The following CTNNA3 variants were observed in gnomAD, a reference collection of about 807,000 sequenced individuals.
The protein encoded by CTNNA3 is catenin alpha-3.
A neutral mutation model predicts 95.7 loss-of-function variants in CTNNA3; 76 were observed. The ratio of observed to expected loss-of-function variants is 0.79; its 90% CI spans 0.66 to 0.96. The LOEUF is 0.96. Among genes scored for constraint, CTNNA3 ranks in the 40% least tolerant of loss-of-function variants. CTNNA3 has a pLI of 0.00. For missense variants in CTNNA3, 1,191 were observed against 1,089.8 expected, an observed-to-expected ratio of 1.09 and a Z score of -1.31; for synonymous variants, 431 against 374.4, an observed-to-expected ratio of 1.15 and a Z score of -1.74.
Position 66,066,634 on chromosome 10 carries a change from G to C in CTNNA3, c.2159+2674C>G, listed in dbSNP as rs185321034. On this transcript the variant is annotated intron_variant, in intron 15 of 17. Coordinates refer to ENST00000433211, the MANE Select transcript of CTNNA3 (RefSeq NM_013266.4). ...AAAATAGAAATAGACATTTAAAGAG[G>C]TATTTTTATGAAATTCCATGTATAA... is the stretch of plus-strand genomic sequence containing the variant. Among the ~76,000 whole-genome samples, 409 of 152,178 alleles carry C rather than the reference G, an allele frequency of 2.7e-3. 2 individuals carry two copies. Among genetic ancestry groups the C allele is most frequent in the African/African-American group, 9.5e-3 (393 of 41,532 alleles).
At chr10:66,316,400 A>C (rs2092100068) in intron 12 of CTNNA3, among the ~76,000 whole-genome samples, 1 of 152,054 alleles carries the variant, frequency 6.6e-6, no homozygotes, top group African/African-American at 2.4e-5. Context: ...CTTTTATTTT[A>C]CAGTAATATA....
chr10:66,925,910 C>A (rs767149416), intron 7 of CTNNA3: 8 of 417,702 alleles, frequency 1.9e-5, no homozygotes, highest in Admixed American at 7.6e-5. Context: ...CCAAAAGAAT[C>A]ATTCATTTTC....
chr10:66,116,288 A>G (rs1199711959), intron 13 of CTNNA3, among the ~76,000 whole-genome samples: 2 of 152,162 alleles, frequency 1.3e-5, no homozygotes, highest in African/African-American at 4.8e-5. Context: ...CTTAATGTGG[A>G]GAATTGTTTT....
At chr10:66,527,811 G>C (rs375106982) in intron 10 of CTNNA3, among the ~76,000 whole-genome samples, 37 of 152,070 alleles carry the variant, frequency 2.4e-4, no homozygotes, top group African/African-American at 8.7e-4. Context: ...TCTGTTATTA[G>C]TTTTAAGATT....
intron 2 of CTNNA3, among the ~76,000 whole-genome samples, chr10:67,643,558 A>C (rs1164388533): frequency 6.6e-6 from 1 of 151,930 alleles, no homozygotes; most frequent in East Asian, 1.9e-4. Context: ...ATTATACCTT[A>C]AGTTCTGGGA....
Position 66,124,859 on chromosome 10 carries a change from G to A in CTNNA3, c.1885-21610C>T, listed in dbSNP as rs570045914. Among the ~76,000 whole-genome samples the A allele has an allele frequency of 7.9e-5, 12 of 152,202 alleles. No individual in the cohort carries two copies. In the South Asian group the frequency reaches 2.5e-3, roughly 32 times the overall value. On this transcript the variant is annotated intron_variant, in intron 13 of 17. Coordinates refer to ENST00000433211, the MANE Select transcript of CTNNA3 (RefSeq NM_013266.4). ...CTCTTAATTCCATCACCTCCCACTA[G>A]GTTCCTCCGATGACACATGGGAATT...
intron 12 of CTNNA3, among the ~76,000 whole-genome samples, chr10:66,334,752 T>C (rs1014364949): frequency 3.3e-5 from 5 of 152,054 alleles, no homozygotes; most frequent in Admixed American, 2.0e-4. Flanking sequence ...TGGCATTCTC[T>C]GTATTTCCTG....
At chr10:65,995,264 A>G (rs764024932) in intron 15 of CTNNA3, among the ~76,000 whole-genome samples, 1 of 151,924 alleles carries the variant, frequency 6.6e-6, no homozygotes. Flanking sequence ...ATATCTTTGC[A>G]TATGGTGTAA....
chr10:66,343,252 A>G (rs2092471834), intron 12 of CTNNA3, among the ~76,000 whole-genome samples: 1 of 152,122 alleles, frequency 6.6e-6, no homozygotes, highest in South Asian at 2.1e-4. Context: ...TTAAATCATT[A>G]TATCAAAGAG....
chr10:67,213,977 A>T (rs966261801), intron 6 of CTNNA3, among the ~76,000 whole-genome samples: 1 of 151,852 alleles, frequency 6.6e-6, no homozygotes, highest in East Asian at 1.9e-4. Flanking sequence ...AATTTGTTGG[A>T]TATCGTTTTA....
intron 9 of CTNNA3, among the ~76,000 whole-genome samples, chr10:66,685,935 C>T (rs1390642260): frequency 6.6e-6 from 1 of 152,002 alleles, no homozygotes; most frequent in Admixed American, 6.6e-5. Context: ...TGCACAAAAT[C>T]CCTCCCAACT....
In CTNNA3 at chr10:67,312,839, T is replaced by C. The variant is rs1840867548; in HGVS notation, c.580-92969A>G. ...TTGTTTGTGGTAAAAAGTCTGGACT[T>C]TGATCTAAAACCCAGCTTTTGCTAA... is the stretch of plus-strand genomic sequence containing the variant. On this transcript the variant is annotated intron_variant, in intron 5 of 17. Coordinates refer to ENST00000433211, the MANE Select transcript of CTNNA3 (RefSeq NM_013266.4). 1.3e-5 allele frequency among the ~76,000 whole-genome samples: 2 copies of C among 152,340 alleles called. 1 individual carries two copies. Among genetic ancestry groups the C allele is most frequent in the South Asian group, 4.1e-4 (2 of 4,830 alleles).
chr10:66,028,987 A>G (rs2079399518), intron 15 of CTNNA3, among the ~76,000 whole-genome samples: 1 of 152,178 alleles, frequency 6.6e-6, no homozygotes, highest in African/African-American at 2.4e-5. Flanking sequence ...AAAATGAAGA[A>G]TAGGAGGTGA....
chr10:67,553,119 TA>T (rs1841092256), intron 3 of CTNNA3, among the ~76,000 whole-genome samples: 1 of 152,166 alleles, frequency 6.6e-6, no homozygotes, highest in Non-Finnish European at 1.5e-5. Context: ...AGCAGGAATT[TA>T]GTATGGAATG....
chr10:67,529,533 C>T (rs556604583), intron 4 of CTNNA3, among the ~76,000 whole-genome samples: 1 of 150,318 alleles, frequency 6.7e-6, no homozygotes, highest in African/African-American at 2.4e-5. Context: ...AGGAGATATA[C>T]CTAATGCTAA....
At chr10:66,375,974 C>T (rs1286827450) in intron 12 of CTNNA3, among the ~76,000 whole-genome samples, 2 of 152,132 alleles carry the variant, frequency 1.3e-5, no homozygotes, top group African/African-American at 4.8e-5. Flanking sequence ...ACAGTGGATG[C>T]CACCAGGATA....
At chr10:67,078,765 C>G (rs1856874698) in intron 7 of CTNNA3, among the ~76,000 whole-genome samples, 1 of 152,112 alleles carries the variant, frequency 6.6e-6, no homozygotes, top group Non-Finnish European at 1.5e-5. Context: ...ATCTGCCCAC[C>G]TCGGCCCCCC....
intron 12 of CTNNA3, among the ~76,000 whole-genome samples, chr10:66,338,757 T>C (rs531316359): frequency 1.3e-5 from 2 of 152,002 alleles, no homozygotes; most frequent in Admixed American, 1.3e-4. Flanking sequence ...ATTAGAACAG[T>C]CTTTGTCCAA....
chr10:66,196,305 G>A lies in CTNNA3; in HGVS notation c.1884+84165C>T, dbSNP rs137925332. 2.5e-3 allele frequency among the ~76,000 whole-genome samples: 386 copies of A among 152,222 alleles called. 2 individuals are homozygous for A. Among genetic ancestry groups the A allele is most frequent in the African/African-American group, 8.8e-3 (366 of 41,532 alleles). On this transcript the variant is annotated intron_variant, in intron 13 of 17. Transcript: ENST00000433211. ...GAAAAGAATCTTAGACAAAGCTTAC[G>A]TGCTAATACTTTATTTAGAGCTGCA...
Sources: gnomAD v4.1 joint callset for allele counts (sites outside exome capture counted in the v4.1 genomes callset) on GRCh38, gnomAD v4.1.1 for gene constraint, MANE v1.5 for transcripts, NCBI Gene and HGNC (gene_info 2026-07-23, HGNC 2026-07-21) for gene names.